EFCAB14: variants seen among roughly 807,000 people sequenced by gnomAD.
The protein encoded by EFCAB14 is EF-hand calcium binding domain 14.
A neutral mutation model predicts 56.5 loss-of-function variants in EFCAB14; 43 were observed. The observed-to-expected ratio is 0.76, with a 90% CI of 0.60 to 0.98. EFCAB14 has a LOEUF of 0.98. EFCAB14 is among the 50% of genes least tolerant of loss of function. The pLI is 0.00. For synonymous variants in EFCAB14, 235 were observed against 212.9 expected (o/e 1.10, Z -0.90); for missense variants, 538 against 580.3 (o/e 0.93, Z 0.75).
At chr1:46,711,910 G>C (rs1375689673) in intron 2 of EFCAB14, among the ~76,000 whole-genome samples, 1 of 152,140 alleles carries the variant, frequency 6.6e-6, no homozygotes, top group African/African-American at 2.4e-5. Context: ...ATATACAAAA[G>C]ACCCTGAAGC....
At chr1:46,695,133 A>G (rs1677059870) in intron 4 of EFCAB14, among the ~76,000 whole-genome samples, 1 of 151,880 alleles carries the variant, frequency 6.6e-6, no homozygotes, top group African/African-American at 2.4e-5. Flanking sequence ...TGATGAGTTA[A>G]TGGGTGCAGC....
intron 3 of EFCAB14, among the ~76,000 whole-genome samples, chr1:46,698,276 T>C (rs906706845): frequency 6.6e-5 from 10 of 152,180 alleles, no homozygotes; most frequent in East Asian, 1.9e-4. Context: ...TCTTTTCTTT[T>C]AGAAGGCAAA....
At chr1:46,705,989 T>C (rs917058937) in intron 3 of EFCAB14, among the ~76,000 whole-genome samples, 17 of 151,950 alleles carry the variant, frequency 1.1e-4, no homozygotes, top group Non-Finnish European at 2.4e-4. Flanking sequence ...TGCAGACTCC[T>C]CAGTTACTGG....
chr1:46,686,720 G>A, intron 8 of EFCAB14, 64 bp downstream of exon 8: 1 of 1,516,028 alleles, frequency 6.6e-7, no homozygotes, highest in African/African-American at 1.4e-5. Flanking sequence ...AGTAGCAGTA[G>A]ATCAAAAGCA....
intron 2 of EFCAB14, among the ~76,000 whole-genome samples, chr1:46,711,332 C>T (rs75760092): frequency 1.9e-3 from 288 of 152,304 alleles, no homozygotes; most frequent in African/African-American, 6.3e-3. Flanking sequence ...TCAGGTACCC[C>T]GAAGGGGCAA....
chr1:46,678,635 A>C lies in EFCAB14; in HGVS notation c.1314T>G (p.Asp438Glu), dbSNP rs1406100731. ...CAGTCTTGCGGAATAAATCCTGAAGATCTGTCAAAAATGAATTACAAAAAA... is the reference window on the plus strand; with the variant it reads ...CAGTCTTGCGGAATAAATCCTGAAGCTCTGTCAAAAATGAATTACAAAAAA... ...ISLPGVSSTE[D>E]LQDLFRKTGQ... Residue 438 changes from aspartate (D) to glutamate (E), a missense_variant and splice_region_variant, in exon 11 of 11, where the codon GAT becomes GAG. Coordinates refer to ENST00000371933, the MANE Select transcript of EFCAB14 (RefSeq NM_014774.3). 2 of 1,607,542 alleles carry C rather than the reference A, an allele frequency of 1.2e-6. No homozygotes were observed. Among genetic ancestry groups the C allele is most frequent in the Non-Finnish European group, 1.7e-6 (2 of 1,176,140 alleles).
chr1:46,707,224 C>T (rs1457807095), intron 3 of EFCAB14, among the ~76,000 whole-genome samples: 1 of 152,176 alleles, frequency 6.6e-6, no homozygotes, highest in African/African-American at 2.4e-5. Context: ...TTCTTTTCTA[C>T]ACATATACAT....
chr1:46,707,443 C>T (rs928281981), intron 3 of EFCAB14, among the ~76,000 whole-genome samples: 1 of 152,174 alleles, frequency 6.6e-6, no homozygotes, highest in African/African-American at 2.4e-5. Flanking sequence ...TTTGACTGAC[C>T]AAGGTATTTA....
intron 4 of EFCAB14, among the ~76,000 whole-genome samples, chr1:46,695,191 G>A (rs1044663912): frequency 1.3e-5 from 2 of 152,148 alleles, no homozygotes; most frequent in African/African-American, 4.8e-5. Context: ...TGCACGTTGT[G>A]CACATGTACC....
At chr1:46,704,342 G>C (rs1049400122) in intron 3 of EFCAB14, among the ~76,000 whole-genome samples, 1 of 151,988 alleles carries the variant, frequency 6.6e-6, no homozygotes, top group African/African-American at 2.4e-5. Context: ...AGATATGGTG[G>C]TGCGTGCCTG....
At chr1:46,679,314 T>C (rs757628758) in intron 10 of EFCAB14, among the ~76,000 whole-genome samples, 14 of 152,208 alleles carry the variant, frequency 9.2e-5, no homozygotes, top group Non-Finnish European at 2.1e-4. Flanking sequence ...TCTTTTCTTT[T>C]TTTTGAAGCT....
At position 46,718,947 on chromosome 1, in the gene EFCAB14, T is replaced by G. The variant is rs2148853691; in HGVS notation, c.-860A>C. The G allele has an allele frequency of 6.5e-6, 1 of 152,944 alleles. No homozygotes were observed. The highest frequency in any genetic ancestry group is 3.3e-3 in the Middle Eastern group (1 of 302). 9.5% of individuals were successfully genotyped at this position (152,944 alleles called of 1,614,324 possible). On this transcript the variant is annotated 5_prime_UTR_variant, in exon 1 of 11. Transcript: ENST00000371933. ...TTGAGGTCTCCGGCACGGGCAACTCTCGGCCACTCACACGCGCAGGCCCCA... is the reference window on the plus strand; with the variant it reads ...TTGAGGTCTCCGGCACGGGCAACTCGCGGCCACTCACACGCGCAGGCCCCA...
At chr1:46,688,744 A>G (rs1442434364) in intron 6 of EFCAB14, among the ~76,000 whole-genome samples, 200 bp from the exon 7 acceptor site, 1 of 152,224 alleles carries the variant, frequency 6.6e-6, no homozygotes, top group Non-Finnish European at 1.5e-5. Flanking sequence ...TCAGCTAGAC[A>G]GGAGGGGGAA....
Position 46,718,898 on chromosome 1 carries a change from A to G in EFCAB14, c.-811T>C, listed in dbSNP as rs1677442160. On this transcript the variant is annotated 5_prime_UTR_variant, in exon 1 of 11. Coordinates refer to ENST00000371933, the MANE Select transcript of EFCAB14 (RefSeq NM_014774.3). ...GCCGCGGGCGACGGCGGCTCGGCCG[A>G]CCGAAAGCGCTCCCGCCCGGAGTTT... The G allele has an allele frequency of 6.6e-6, 1 of 152,324 alleles. No homozygotes were observed. The highest frequency in any genetic ancestry group is 2.4e-5 in the African/African-American group (1 of 41,418). The allele number at this position is 152,324 out of a possible 1,614,324, so 9.4% of individuals were successfully genotyped here.
intron 3 of EFCAB14, among the ~76,000 whole-genome samples, chr1:46,704,153 T>TTTCCTCCA (rs1677201189): frequency 8.6e-5 from 13 of 152,016 alleles, no homozygotes; most frequent in African/African-American, 3.1e-4. Flanking sequence ...CTCCATCTGA[T>TTTCCTCCA]TATAAGATCC....
rs899024272 is a variant in EFCAB14, at chr1:46,676,572, A to G, written c.*1889T>C. On this transcript the variant is annotated 3_prime_UTR_variant, in exon 11 of 11. Transcript: ENST00000371933. ...TATACAAATATAGCAGTATAATTCA[A>G]TTTATTGCTAGAATTTTATTTGGTT... 4 of 152,610 alleles carry G rather than the reference A, an allele frequency of 2.6e-5. No individual in the cohort carries two copies. The highest frequency in any genetic ancestry group is 6.5e-5 in the Admixed American group (1 of 15,276). 9.5% of individuals were successfully genotyped at this position (152,610 alleles called of 1,614,324 possible). A position where few individuals can be genotyped will look rare whatever the true frequency, so the allele number is the denominator to read the frequency against.
At chr1:46,689,393 A>G (rs1427305666) in intron 6 of EFCAB14, among the ~76,000 whole-genome samples, 194 bp downstream of exon 6, 1 of 152,210 alleles carries the variant, frequency 6.6e-6, no homozygotes, top group Non-Finnish European at 1.5e-5. Context: ...GAAAAACTGC[A>G]AAGTGCCAAA....
At position 46,713,926 on chromosome 1, in the gene EFCAB14, G is replaced by C. The variant is rs558326942; in HGVS notation, c.334+2369C>G. 3.9e-5 allele frequency among the ~76,000 whole-genome samples: 6 copies of C among 152,216 alleles called. No individual in the cohort carries two copies. The South Asian group carries it at 1.0e-3, about 26-fold the overall frequency. ...CAATACTGCAAGGACAACTATAAAG[G>C]AGGAAAAATAAATATGGGGTATATA... On this transcript the variant is annotated intron_variant, in intron 2 of 10. Coordinates refer to ENST00000371933, the MANE Select transcript of EFCAB14 (RefSeq NM_014774.3).
intron 4 of EFCAB14, among the ~76,000 whole-genome samples, chr1:46,695,366 T>G (rs199665300): frequency 7.9e-6 from 1 of 126,858 alleles, no homozygotes; most frequent in East Asian, 5.3e-4. Flanking sequence ...TCCCTACCCC[T>G]TTTTTTTCCC....
Sources: gnomAD v4.1 joint callset for allele counts (sites outside exome capture counted in the v4.1 genomes callset) on GRCh38, gnomAD v4.1.1 for gene constraint, MANE v1.5 for transcripts, NCBI Gene and HGNC (gene_info 2026-07-23, HGNC 2026-07-21) for gene names.